Variants in CDH4 observed in about 807,000 individuals in gnomAD.
CDH4 encodes cadherin 4, also known as cadherin-4.
In CDH4, 33 loss-of-function variants were observed where a neutral mutation model predicts 86.0. The observed-to-expected ratio is 0.38, with a 90% confidence interval of 0.29 to 0.51. The LOEUF (loss-of-function observed/expected upper bound fraction) is 0.51. CDH4 is among the 20% of genes least tolerant of loss of function. CDH4 has a pLI of 0.86. For missense variants in CDH4, 1,114 were observed against 1,307.4 expected, an observed-to-expected ratio of 0.85 and a Z score of 2.28; for synonymous variants, 555 against 549.4, an observed-to-expected ratio of 1.01 and a Z score of -0.14.
intron 2 of CDH4, among the ~76,000 whole-genome samples, chr20:61,616,717 C>T (rs1240531784): frequency 6.6e-6 from 1 of 152,220 alleles, no homozygotes; most frequent in East Asian, 1.9e-4. Flanking sequence ...TCTTGCTCTT[C>T]CTGGACCCCA....
chr20:61,624,502 A>T (rs2086810289), intron 2 of CDH4, among the ~76,000 whole-genome samples: 1 of 152,198 alleles, frequency 6.6e-6, no homozygotes, highest in African/African-American at 2.4e-5. Flanking sequence ...CCCCTGATCC[A>T]GACAGGAGTG....
At chr20:61,353,382 T>C (rs979785542) in intron 2 of CDH4, among the ~76,000 whole-genome samples, 1 of 152,088 alleles carries the variant, frequency 6.6e-6, no homozygotes, top group East Asian at 1.9e-4. Flanking sequence ...TCTCCAGCGA[T>C]GTGCCAAGCC....
chr20:61,588,387 C>T (rs1295161235), intron 2 of CDH4, among the ~76,000 whole-genome samples: 1 of 152,176 alleles, frequency 6.6e-6, no homozygotes, highest in African/African-American at 2.4e-5. Context: ...GGGAGAGAGG[C>T]ACAAGGCCGA....
intron 9 of CDH4, among the ~76,000 whole-genome samples, chr20:61,919,608 G>A (rs762777643): frequency 2.0e-5 from 3 of 152,248 alleles, no homozygotes; most frequent in Non-Finnish European, 2.9e-5. Context: ...AAAGCTGATT[G>A]ATTCCTCCAG....
At chr20:61,481,992 C>G (rs1444893401) in intron 2 of CDH4, among the ~76,000 whole-genome samples, 1 of 152,196 alleles carries the variant, frequency 6.6e-6, no homozygotes, top group African/African-American at 2.4e-5. Flanking sequence ...CCCTCCCACT[C>G]TCAAGGTTCA....
intron 2 of CDH4, among the ~76,000 whole-genome samples, chr20:61,391,552 TC>T (rs1166855329): frequency 5.9e-5 from 9 of 152,072 alleles, no homozygotes; most frequent in African/African-American, 2.2e-4. Context: ...CAGAGGAGGC[TC>T]CTTCTTAGAC....
At chr20:61,672,754 G>A (rs2087404683) in intron 2 of CDH4, among the ~76,000 whole-genome samples, 1 of 152,132 alleles carries the variant, frequency 6.6e-6, no homozygotes. Flanking sequence ...AGGGGTGGGA[G>A]AAGATTATGG....
chr20:61,690,027 T>C (rs1321783606), intron 2 of CDH4, among the ~76,000 whole-genome samples: 1 of 149,766 alleles, frequency 6.7e-6, no homozygotes, highest in African/African-American at 2.5e-5. Context: ...GTGGGGACAC[T>C]GGTTGGTGAG....
intron 4 of CDH4, among the ~76,000 whole-genome samples, chr20:61,781,042 G>C (rs546113678): frequency 6.6e-6 from 1 of 152,292 alleles, no homozygotes; most frequent in South Asian, 2.1e-4. Context: ...GAGAGGCACC[G>C]AAGGACCCAG....
At chr20:61,700,272 C>T (rs1388206079) in intron 2 of CDH4, among the ~76,000 whole-genome samples, 1 of 152,210 alleles carries the variant, frequency 6.6e-6, no homozygotes, top group East Asian at 1.9e-4. Flanking sequence ...CAGGGGAGCG[C>T]TCAGCATCGA....
intron 2 of CDH4, among the ~76,000 whole-genome samples, chr20:61,296,826 C>T (rs1462157773): frequency 2.0e-5 from 3 of 151,934 alleles, no homozygotes; most frequent in Non-Finnish European, 4.4e-5. Context: ...GACGGACGGA[C>T]GATGGGCAGG....
At chr20:61,757,530 A>G (rs2088580484) in intron 3 of CDH4, among the ~76,000 whole-genome samples, 1 of 152,048 alleles carries the variant, frequency 6.6e-6, no homozygotes, top group African/African-American at 2.4e-5. Context: ...GCGGCCCCAG[A>G]CTCCCCAGGA....
At chr20:61,728,143 A>C (rs776460351) in intron 2 of CDH4, among the ~76,000 whole-genome samples, 1 of 143,064 alleles carries the variant, frequency 7.0e-6, no homozygotes, top group Non-Finnish European at 1.6e-5. Context: ...TTTCTCTCTA[A>C]ACCCCATCAG....
At chr20:61,625,087 G>C (rs765518195) in intron 2 of CDH4, among the ~76,000 whole-genome samples, 1 of 152,136 alleles carries the variant, frequency 6.6e-6, no homozygotes, top group African/African-American at 2.4e-5. Context: ...TGGGCCTCTC[G>C]TGTTGCCCTT....
At chr20:61,414,840 G>T (rs111954858) in intron 2 of CDH4, among the ~76,000 whole-genome samples, 1 of 152,202 alleles carries the variant, frequency 6.6e-6, no homozygotes, top group African/African-American at 2.4e-5. Context: ...GCCTCCTCCC[G>T]TGGTGAGAGT....
At position 61,859,792 on chromosome 20, in the gene CDH4, C is replaced by T. The variant is rs145260498; in HGVS notation, c.877+6894C>T. Among the ~76,000 whole-genome samples the T allele has an allele frequency of 1.3e-3, 201 of 152,394 alleles. 1 individual carries two copies. Among genetic ancestry groups the T allele is most frequent in the African/African-American group, 4.0e-3 (167 of 41,596 alleles). On this transcript the variant is annotated intron_variant, in intron 6 of 15. Transcript: ENST00000614565. ...ATGACCGTAGCCTCACGGCCAGCTT[C>T]GCTGCCGGGTGGAGGGATGGCTTCG...
At chr20:61,306,169 C>T (rs1482053807) in intron 2 of CDH4, among the ~76,000 whole-genome samples, 1 of 152,054 alleles carries the variant, frequency 6.6e-6, no homozygotes, top group African/African-American at 2.4e-5. Flanking sequence ...TTTAAGTCTT[C>T]CAAAGGTTGC....
intron 2 of CDH4, among the ~76,000 whole-genome samples, chr20:61,500,077 G>T (rs2085689776): frequency 6.6e-6 from 1 of 152,202 alleles, no homozygotes; most frequent in Non-Finnish European, 1.5e-5. Context: ...TCACTTCCCT[G>T]TCGGAATCAC....
rs2087856007 is a variant in CDH4, at chr20:61,708,461, C to G, written c.170-35102C>G. On this transcript the variant is annotated intron_variant, in intron 2 of 15. Coordinates refer to ENST00000614565, the MANE Select transcript of CDH4 (RefSeq NM_001794.5). The surrounding 1 kb of genome is among the most constrained non-coding windows in gnomAD (Gnocchi z 4.5). ...TGCAGCATCCACCTCCTGCCACAGT[C>G]AGGGGGCTATGGAGAAACCCAATCC... 6.6e-6 allele frequency among the ~76,000 whole-genome samples: 1 copy of G among 152,186 alleles called. No individual in the cohort carries two copies. Among genetic ancestry groups the G allele is most frequent in the Non-Finnish European group, 1.5e-5 (1 of 68,024 alleles).
Sources: gnomAD v4.1 joint callset for allele counts (sites outside exome capture counted in the v4.1 genomes callset) on GRCh38, gnomAD v4.1.1 for gene constraint, Gnocchi (gnomAD v3.1) non-coding constraint, MANE v1.5 for transcripts, NCBI Gene and HGNC (gene_info 2026-07-23, HGNC 2026-07-21) for gene names.